The following FAM111A variants were observed in gnomAD, a reference collection of about 807,000 sequenced individuals.
The protein encoded by FAM111A is FAM111 trypsin like peptidase A.
Under a neutral mutation model 3.3 loss-of-function variants are expected in FAM111A, and 8 were observed. The ratio of observed to expected loss-of-function variants is 2.39; its 90% CI spans 1.40 to 4.32. The LOEUF (loss-of-function observed/expected upper bound fraction) is 4.32. Ranked by LOEUF, FAM111A falls within the 30% of genes most tolerant of loss-of-function variation. The pLI is 0.00. For missense variants in FAM111A, 683 were observed against 727.6 expected (o/e 0.94, Z 0.71); for synonymous variants, 227 against 243.1 (o/e 0.93, Z 0.62).
At chr11:59,147,686 A>C (rs1861106975) in intron 4 of FAM111A, among the ~76,000 whole-genome samples, 1 of 152,194 alleles carries the variant, frequency 6.6e-6, no homozygotes, top group South Asian at 2.1e-4. Context: ...TTACTGTTTC[A>C]CTGTTACATA....
Position 59,152,767 on chromosome 11 carries a change from A to G in FAM111A, c.1099A>G (p.Thr367Ala), listed in dbSNP as rs1861859300. The change falls in exon 6 of 6, where the codon ACG becomes GCG. Residue 367 changes from threonine to alanine, a missense_variant. Transcript: ENST00000675163. Reference protein sequence around the residue: ...VGYLFWDSATTGYATCFVFKG... With the variant: ...VGYLFWDSATAGYATCFVFKG... The stretch of plus-strand genomic sequence containing the variant: ...GTACTTATTCTGGGACAGTGCAACT[A>G]CGGGTTACGCCACCTGCTTTGTTTT... The G allele has an allele frequency of 6.2e-7, 1 of 1,614,072 alleles. No homozygotes were observed. The highest frequency in any genetic ancestry group is 1.3e-5 in the African/African-American group (1 of 74,942).
Position 59,153,039 on chromosome 11 carries a change from T to A in FAM111A, c.1371T>A (p.Tyr457Ter). The A allele has an allele frequency of 6.2e-7, 1 of 1,614,134 alleles. No individual in the cohort carries two copies. Among genetic ancestry groups the A allele is most frequent in the Non-Finnish European group, 8.5e-7 (1 of 1,180,022 alleles). ...ENGQQVPMEL[Y>*]NGITPVPLSG... Reference sequence around the variant, plus strand: ...GACAACAAGTACCTATGGAACTATATAATGGAATTACTCCTGTGCCACTTA... The same window carrying A: ...GACAACAAGTACCTATGGAACTATAAAATGGAATTACTCCTGTGCCACTTA... Residue 457 changes from tyrosine (Y) to a stop codon, truncating the protein, a stop_gained, in exon 6 of 6, where the codon TAT becomes TAA. Coordinates refer to ENST00000675163, the MANE Select transcript of FAM111A (RefSeq NM_001312909.2). LOFTEE classifies it low-confidence loss of function (END_TRUNC).
In FAM111A at chr11:59,153,107, A is replaced by G. The variant is rs1861921481; in HGVS notation, c.1439A>G (p.Lys480Arg). ...HIIGHPYGEK[K>R]QIDACAVIPQ... Reference sequence around the variant, plus strand: ...ATTGGCCATCCATATGGAGAAAAAAAGCAGATTGATGCTTGTGCTGTGATC... The same window carrying G: ...ATTGGCCATCCATATGGAGAAAAAAGGCAGATTGATGCTTGTGCTGTGATC... The change falls in exon 6 of 6, where the codon AAG becomes AGG. Residue 480 changes from lysine (K) to arginine (R), a missense_variant. Coordinates refer to ENST00000675163, the MANE Select transcript of FAM111A (RefSeq NM_001312909.2). The G allele has an allele frequency of 1.9e-6, 3 of 1,614,082 alleles. No homozygotes were observed.
chr11:59,144,580 G>T (rs1860570203), intron 3 of FAM111A: 2 of 152,198 alleles, frequency 1.3e-5, no homozygotes, highest in Admixed American at 1.3e-4. Flanking sequence ...TACTTCTCAC[G>T]CTGGCTCTGG....
chr11:59,152,802 G>C lies in FAM111A; in HGVS notation c.1134G>C (p.Leu378Phe), dbSNP rs993908425. The C allele has an allele frequency of 6.2e-7, 1 of 1,614,044 alleles. No individual in the cohort carries two copies. ...CCACCTGCTTTGTTTTTAAAGGATT[G>C]TTCATTTTAACTTGTCGGCATGTAA... ...GYATCFVFKGLFILTCRHVID... is the reference protein window; with the variant it reads ...GYATCFVFKGFFILTCRHVID... Residue 378 changes from leucine (L) to phenylalanine (F), a missense_variant, in exon 6 of 6, where the codon TTG becomes TTC. By Grantham distance (22) the Leu-to-Phe change is conservative. Around this residue, in one of 3 missense-constraint regions of FAM111A, gnomAD observed 557 missense variants for 600.2 expected, o/e 0.93. Coordinates refer to ENST00000675163, the MANE Select transcript of FAM111A (RefSeq NM_001312909.2).
Position 59,152,688 on chromosome 11 carries a change from T to C in FAM111A, c.1020T>C (p.Asn340=). The part of the protein sequence containing the change: ...HRTTFGKVTK[N]SSSIKVVKLL... The stretch of plus-strand genomic sequence containing the variant: ...CAACGTTTGGGAAAGTAACAAAAAA[T>C]TCTTCTTCGATTAAAGTAGTGAAAC... Residue 340 remains asparagine (N), a synonymous_variant, in exon 6 of 6, where the codon AAT becomes AAC. Transcript: ENST00000675163. 1 of 1,614,196 alleles carries C rather than the reference T, an allele frequency of 6.2e-7. No homozygotes were observed. Among genetic ancestry groups the C allele is most frequent in the Non-Finnish European group, 8.5e-7 (1 of 1,180,022 alleles).
In FAM111A at chr11:59,142,897, C is replaced by G. The variant is rs1207066058; in HGVS notation, c.-577C>G. On this transcript the variant is annotated 5_prime_UTR_variant, in exon 1 of 6. Transcript: ENST00000675163. ...GGCGACTAGGATGCTTTCGCTTTCGCTCTCGCTTTCCAATACTCGGGACTG... is the reference window on the plus strand; with the variant it reads ...GGCGACTAGGATGCTTTCGCTTTCGGTCTCGCTTTCCAATACTCGGGACTG... The G allele has an allele frequency of 6.6e-6, 1 of 152,472 alleles. No homozygotes were observed. The highest frequency in any genetic ancestry group is 1.5e-5 in the Non-Finnish European group (1 of 68,240). 9.4% of individuals were successfully genotyped at this position (152,472 alleles called of 1,614,324 possible). A position where few individuals can be genotyped will look rare whatever the true frequency, so the allele number is the denominator to read the frequency against.
chr11:59,146,348 T>G (rs909972731), intron 4 of FAM111A, among the ~76,000 whole-genome samples: 5 of 152,212 alleles, frequency 3.3e-5, no homozygotes, highest in Admixed American at 2.6e-4. Context: ...CCTCCCAAAG[T>G]GCTGAGATTA....
rs768130778 is a variant in FAM111A at position 59,152,383 on chromosome 11, G to T, written c.715G>T (p.Asp239Tyr). Reference sequence around the variant, plus strand: ...ATTTCTTTCCTTTCTGGAGAATGATGATTGGAAACTCATTGAAAACAATGA... The same window carrying T: ...ATTTCTTTCCTTTCTGGAGAATGATTATTGGAAACTCATTGAAAACAATGA... ...GRFLSFLEND[D>Y]WKLIENNDTI... The change falls in exon 6 of 6, where the codon GAT (aspartate) becomes TAT (tyrosine). Residue 239 changes from aspartate (D) to tyrosine (Y), a missense_variant. By Grantham distance (160) the Asp-to-Tyr change is radical. Transcript: ENST00000675163. 1.9e-6 allele frequency: 3 copies of T among 1,614,136 alleles called. No homozygotes were observed. The highest frequency in any genetic ancestry group is 1.7e-6 in the Non-Finnish European group (2 of 1,180,018).
chr11:59,146,421 C>G (rs917054774), intron 4 of FAM111A, among the ~76,000 whole-genome samples: 2 of 152,172 alleles, frequency 1.3e-5, no homozygotes, highest in African/African-American at 2.4e-5. Context: ...AAGGTTGATT[C>G]CCACCTTAAG....
rs779629824 is a variant in FAM111A, at chr11:59,153,650, A to G, written c.*146A>G. The G allele has an allele frequency of 6.1e-6, 4 of 660,788 alleles. No homozygotes were observed. The highest frequency in any genetic ancestry group is 1.8e-5 in the African/African-American group (1 of 54,312). 40.9% of individuals were successfully genotyped at this position (660,788 alleles called of 1,614,324 possible). ...CTATCTGCCAGGCATTTTTCTAAGC[A>G]CATGAAGAAATTAGTCCTAACAACA... On this transcript the variant is annotated 3_prime_UTR_variant, in exon 6 of 6. Coordinates refer to ENST00000675163, the MANE Select transcript of FAM111A (RefSeq NM_001312909.2).
At chr11:59,144,779 C>T (rs761970824) in intron 3 of FAM111A, 1 of 152,340 alleles carries the variant, frequency 6.6e-6, no homozygotes, top group Admixed American at 6.5e-5. Flanking sequence ...ATTCAAACCC[C>T]TAGCCCCACC....
rs1490640647 is a variant in FAM111A, at chr11:59,153,315, A to G, written c.1647A>G (p.Lys549=). The change falls in exon 6 of 6, where the codon AAA becomes AAG. Residue 549 remains lysine, a synonymous_variant. Coordinates refer to ENST00000675163, the MANE Select transcript of FAM111A (RefSeq NM_001312909.2). ...CCGGCTCCCCTGTGTTTGATTCAAA[A>G]GGTTCATTGGTGGCCATGCATGCTG... ...GASGSPVFDS[K]GSLVAMHAAG... 5.0e-6 allele frequency: 8 copies of G among 1,614,198 alleles called. No homozygotes were observed. The South Asian group carries it at 7.7e-5, about 16-fold the overall frequency.
chr11:59,143,304 G>A lies in FAM111A; in HGVS notation c.-306G>A, dbSNP rs986924661. On this transcript the variant is annotated splice_region_variant and 5_prime_UTR_variant, in exon 2 of 6. In the 5' UTR this introduces an upstream ATG that the reference lacks. Transcript: ENST00000675163. ...TTGGTGGGAACGGACCTTCCTCTTA[G>A]GTGAGTTACTCTTTGGTTCTGGGGC... 26 of 152,242 alleles carry A rather than the reference G, an allele frequency of 1.7e-4. No individual in the cohort carries two copies. The highest frequency in any genetic ancestry group is 4.8e-4 in the African/African-American group (20 of 41,436). 9.4% of individuals were successfully genotyped at this position (152,242 alleles called of 1,614,324 possible). A position where few individuals can be genotyped will look rare whatever the true frequency, so the allele number is the denominator to read the frequency against.
At position 59,153,365 on chromosome 11, in the gene FAM111A, A is replaced by G; in HGVS notation, c.1697A>G (p.Asn566Ser). The G allele has an allele frequency of 6.2e-7, 1 of 1,614,162 alleles. No homozygotes were observed. The highest frequency in any genetic ancestry group is 8.5e-7 in the Non-Finnish European group (1 of 1,180,016). ...HAAGFAYTYQ[N>S]ETRSIIEFGS... ...GCTGGCTTTGCTTATACTTACCAAA[A>G]TGAGACTCGTAGTATCATTGAGTTT... Residue 566 changes from asparagine to serine, a missense_variant, in exon 6 of 6, where the codon AAT becomes AGT. Asn to Ser is a conservative substitution (Grantham distance 46). Transcript: ENST00000675163.
chr11:59,146,045 ATGTGTGTATATATATATTGTGTGTGTG>A (rs1860838981), intron 4 of FAM111A, among the ~76,000 whole-genome samples, 189 bp downstream of exon 4: 3 of 150,964 alleles, frequency 2.0e-5, no homozygotes, highest in Admixed American at 2.0e-4. Flanking sequence ...ATGTGTGTGT[ATGTGTGTATATATATATTGTGTGTGTG>A]TGTGTGACAG....
At chr11:59,146,750 C>T (rs1208333046) in intron 4 of FAM111A, among the ~76,000 whole-genome samples, 1 of 152,130 alleles carries the variant, frequency 6.6e-6, no homozygotes, top group Admixed American at 6.5e-5. Flanking sequence ...GGGGCTAGAA[C>T]ATAAGTTAAA....
chr11:59,149,396 G>A (rs987491758), intron 5 of FAM111A, among the ~76,000 whole-genome samples: 19 of 152,262 alleles, frequency 1.2e-4, no homozygotes, highest in African/African-American at 4.3e-4. Context: ...TACCTTGAGT[G>A]TTGGGCATAT....
intron 4 of FAM111A, among the ~76,000 whole-genome samples, chr11:59,146,463 A>G (rs1860919554): frequency 6.6e-6 from 1 of 152,222 alleles, no homozygotes; most frequent in Non-Finnish European, 1.5e-5. Flanking sequence ...TAGTTAATTA[A>G]TATGCCCAAG....
Sources: gnomAD v4.1 joint callset for allele counts (sites outside exome capture counted in the v4.1 genomes callset) on GRCh38, gnomAD v4.1.1 for gene constraint, gnomAD v4.1.1 regional missense constraint, MANE v1.5 for transcripts, NCBI Gene and HGNC (gene_info 2026-07-23, HGNC 2026-07-21) for gene names.